Variants in TPTE2 observed in about 807,000 individuals in gnomAD.
TPTE2 encodes the protein phosphatidylinositol 3,4,5-trisphosphate 3-phosphatase TPTE2.
TPTE2 carries 53 observed loss-of-function variants against 78.6 expected under a neutral mutation model. That is an observed-to-expected ratio of 0.67 (90% CI 0.54 to 0.85). The LOEUF is 0.85. Ranked by LOEUF, TPTE2 falls within the 40% of genes least tolerant of loss-of-function variation. TPTE2 has a pLI of 0.00. For missense variants in TPTE2, 461 were observed against 623.0 expected, an observed-to-expected ratio of 0.74 and a Z score of 2.77; for synonymous variants, 175 against 206.2, an observed-to-expected ratio of 0.85 and a Z score of 1.30.
At chr13:19,455,967 T>G (rs987305128) in intron 10 of TPTE2, among the ~76,000 whole-genome samples, 18 of 152,154 alleles carry the variant, frequency 1.2e-4, no homozygotes, top group Admixed American at 2.0e-4. Context: ...TCTTTCCACG[T>G]GGGTTTGGGA....
chr13:19,546,421 T>A, the TPTE2 span, among the ~76,000 whole-genome samples: 6 of 148,466 alleles, frequency 4.0e-5, no homozygotes, highest in Admixed American at 2.7e-4. Flanking sequence ...AATATAATAC[T>A]AAAAAGAAGA....
Position 19,488,057 on chromosome 13 carries a change from G to C in TPTE2, c.119+4793C>G, listed in dbSNP as rs562069315. ...AGATGGGGCAGAAGGGGCTGCACAGGCTGAGTGCTTCCATGCTGTGGCAAC... is the reference window on the plus strand; with the variant it reads ...AGATGGGGCAGAAGGGGCTGCACAGCCTGAGTGCTTCCATGCTGTGGCAAC... On this transcript the variant is annotated intron_variant, in intron 3 of 19. Transcript: ENST00000400230. Among the ~76,000 whole-genome samples, 7 of 152,316 alleles carry C rather than the reference G, an allele frequency of 4.6e-5. No individual in the cohort carries two copies. In the East Asian group the frequency reaches 1.4e-3, roughly 29 times the overall value.
exon 9 of TPTE2, chr13:19,465,272 T>C (rs1372284284): frequency 1.2e-6 from 2 of 1,613,770 alleles, no homozygotes; most frequent in Non-Finnish European, 1.7e-6. Flanking sequence ...GTAAGTGAGG[T>C]CTAGGTCAAA....
upstream of TPTE2, among the ~76,000 whole-genome samples, chr13:19,503,677 G>C (rs1868779995): frequency 6.6e-6 from 1 of 152,170 alleles, no homozygotes. Flanking sequence ...TCCACAAGTA[G>C]GGTAAAGTAA....
At chr13:19,517,416 TA>T (rs202088239) in intron 1 of TPTE2, among the ~76,000 whole-genome samples, 3,737 of 152,262 alleles carry the variant, frequency 0.025, 62 homozygotes, top group Middle Eastern at 0.051. Flanking sequence ...TGTCCCCCAG[TA>T]CCCTGAGGGT....
the TPTE2 span, among the ~76,000 whole-genome samples, chr13:19,556,462 T>C: frequency 2.6e-5 from 4 of 152,154 alleles, no homozygotes; most frequent in Non-Finnish European, 4.4e-5. Context: ...TTTGTATAAG[T>C]AACTGGTAGA....
intron 13 of TPTE2, among the ~76,000 whole-genome samples, chr13:19,447,220 C>A (rs1359689954): frequency 6.6e-6 from 1 of 152,036 alleles, no homozygotes; most frequent in African/African-American, 2.4e-5. Context: ...GCCCTCTAAA[C>A]AAACTTTAAC....
chr13:19,447,826 T>TC (rs1306863748), intron 13 of TPTE2, among the ~76,000 whole-genome samples: 2 of 152,280 alleles, frequency 1.3e-5, no homozygotes, highest in African/African-American at 2.4e-5. Context: ...TGGCTTTTTT[T>TC]CCCCATTTTA....
At chr13:19,514,890 C>A (rs1869700897) in intron 1 of TPTE2, among the ~76,000 whole-genome samples, 1 of 152,012 alleles carries the variant, frequency 6.6e-6, no homozygotes, top group Non-Finnish European at 1.5e-5. Flanking sequence ...ATCAAGACTT[C>A]CTAGCACCGA....
At chr13:19,490,823 C>A (rs1408267815) in intron 3 of TPTE2, among the ~76,000 whole-genome samples, 1 of 152,186 alleles carries the variant, frequency 6.6e-6, no homozygotes, top group Non-Finnish European at 1.5e-5. Context: ...CTCCTCAGCT[C>A]CCTGCCCACT....
chr13:19,470,055 C>T (rs766537730), intron 6 of TPTE2, among the ~76,000 whole-genome samples: 27 of 152,148 alleles, frequency 1.8e-4, no homozygotes, highest in Non-Finnish European at 2.6e-4. Context: ...CTAGGACTTC[C>T]GGTACTATGT....
chr13:19,450,359 A>G lies in TPTE2; in HGVS notation c.803-15T>C, dbSNP rs1182726252. 6.3e-7 allele frequency: 1 copy of G among 1,597,702 alleles called. No individual in the cohort carries two copies. Among genetic ancestry groups the G allele is most frequent in the Non-Finnish European group, 8.6e-7 (1 of 1,167,796 alleles). Reference sequence around the variant, plus strand: ...AGCTCTTTCACCTAAAATAAATAATATGTATGTCATATCTCTATAGGGAAT... The same window carrying G: ...AGCTCTTTCACCTAAAATAAATAATGTGTATGTCATATCTCTATAGGGAAT... On this transcript the variant is annotated splice_polypyrimidine_tract_variant and intron_variant, in intron 11 of 19. Transcript: ENST00000400230.
chr13:19,511,546 C>T (rs1250989790), intron 1 of TPTE2, among the ~76,000 whole-genome samples: 1 of 151,964 alleles, frequency 6.6e-6, no homozygotes, highest in Non-Finnish European at 1.5e-5. Flanking sequence ...AATGAGCATA[C>T]CAAATGCAGA....
At chr13:19,502,900 C>T (rs1264566763) in intron 1 of TPTE2, among the ~76,000 whole-genome samples, 1 of 149,948 alleles carries the variant, frequency 6.7e-6, no homozygotes, top group African/African-American at 2.5e-5. Context: ...AATACACTAA[C>T]AGGAAGCAGC....
intron 4 of TPTE2, among the ~76,000 whole-genome samples, chr13:19,480,006 T>G (rs890486281): frequency 1.3e-5 from 2 of 151,814 alleles, no homozygotes; most frequent in Admixed American, 1.3e-4. Flanking sequence ...TACTAAACCT[T>G]AAAACACTAA....
intron 10 of TPTE2, among the ~76,000 whole-genome samples, chr13:19,455,036 T>C (rs979940810): frequency 3.3e-5 from 5 of 152,210 alleles, no homozygotes; most frequent in Admixed American, 6.5e-5. Flanking sequence ...ACTCCATGAC[T>C]GTGCCCATTC....
the TPTE2 span, among the ~76,000 whole-genome samples, chr13:19,554,233 G>C: frequency 6.6e-6 from 1 of 151,890 alleles, no homozygotes; most frequent in Admixed American, 6.6e-5. Context: ...AAATTAGCCG[G>C]GCATGGTGGC....
upstream of TPTE2, among the ~76,000 whole-genome samples, chr13:19,506,732 GCCAAC>G (rs1869078509): frequency 6.6e-6 from 1 of 152,142 alleles, no homozygotes; most frequent in Non-Finnish European, 1.5e-5. Flanking sequence ...TTCATAAAAA[GCCAAC>G]CCTACTGACA....
At chr13:19,425,096 T>C in intron 18 of TPTE2, 79 bp from the exon 22 acceptor site, 2 of 669,612 alleles carry the variant, frequency 3.0e-6, no homozygotes, top group Admixed American at 3.5e-5. Context: ...CCTTTCTTTA[T>C]TCCTTTATAT....
Sources: allele counts gnomAD v4.1 joint callset (sites outside exome capture counted in the v4.1 genomes callset), GRCh38; gene constraint gnomAD v4.1.1; transcripts MANE v1.5; gene names NCBI Gene and HGNC (gene_info 2026-07-23, HGNC 2026-07-21).